The following UNG variants were observed in gnomAD, a reference collection of about 807,000 sequenced individuals.
UNG encodes the protein uracil DNA glycosylase, also known as uracil-DNA glycosylase.
UNG carries 34 observed loss-of-function variants against 36.5 expected under a neutral mutation model. That is an observed-to-expected ratio of 0.93 (90% CI 0.71 to 1.24). The LOEUF (loss-of-function observed/expected upper bound fraction) is 1.24, where lower values mean the gene tolerates loss of function less well. Ranked by LOEUF, UNG falls within the 50% of genes most tolerant of loss-of-function variation. UNG has a pLI of 0.00. For missense variants in UNG, 391 were observed against 397.6 expected, an observed-to-expected ratio of 0.98 and a Z score of 0.14; for synonymous variants, 172 against 157.8, an observed-to-expected ratio of 1.09 and a Z score of -0.67.
chr12:109,110,206 A>G lies in UNG; in HGVS notation c.*237A>G, dbSNP rs1208334361. 5.3e-6 allele frequency: 3 copies of G among 568,088 alleles called. No homozygotes were observed. The highest frequency in any genetic ancestry group is 6.2e-6 in the Non-Finnish European group (2 of 320,150). 35.2% of individuals were successfully genotyped at this position (568,088 alleles called of 1,614,324 possible). On this transcript the variant is annotated 3_prime_UTR_variant, in exon 7 of 7. Transcript: ENST00000242576. Reference sequence around the variant, plus strand: ...AACATGGCTTCGGCCTAAAATATGCAGAAGACAGATGAGGTCAAATACTCA... The same window carrying G: ...AACATGGCTTCGGCCTAAAATATGCGGAAGACAGATGAGGTCAAATACTCA...
At position 109,099,858 on chromosome 12, in the gene UNG, T is replaced by A. The variant is rs188001189; in HGVS notation, c.435+574T>A. 5.2e-3 allele frequency among the ~76,000 whole-genome samples: 788 copies of A among 152,238 alleles called. 6 individuals carry two copies. The highest frequency in any genetic ancestry group is 0.018 in the African/African-American group (742 of 41,524). The stretch of plus-strand genomic sequence containing the variant: ...TTCGGAGGCCAAAGTGGGAGGATCA[T>A]TTGAGGTCAGGAGTTCAAGACCAAT... On this transcript the variant is annotated intron_variant, in intron 3 of 6. Transcript: ENST00000242576.
chr12:109,103,297 G>T, intron 5 of UNG, 136 bp from the exon 6 acceptor site: 1 of 857,774 alleles, frequency 1.2e-6, no homozygotes, highest in East Asian at 2.6e-5. Context: ...CCATTATGCC[G>T]GCTGCAGCAG....
rs937716880 is a variant in UNG at position 109,110,410 on chromosome 12, A to G, written c.*441A>G. On this transcript the variant is annotated 3_prime_UTR_variant, in exon 7 of 7. Transcript: ENST00000242576. Reference sequence around the variant, plus strand: ...CTTGTCTCAGCCTTGCAGGGCAGGCATGCCAGTCTCTGCCAGTTCCACTGC... The same window carrying G: ...CTTGTCTCAGCCTTGCAGGGCAGGCGTGCCAGTCTCTGCCAGTTCCACTGC... The G allele has an allele frequency of 1.4e-5, 3 of 222,000 alleles. No individual in the cohort carries two copies. Among genetic ancestry groups the G allele is most frequent in the Non-Finnish European group, 2.7e-5 (3 of 109,708 alleles). The allele number at this position is 222,000 out of a possible 1,614,324, so 13.8% of individuals were successfully genotyped here.
In UNG at chr12:109,099,293, A is replaced by G. The variant is rs764068836; in HGVS notation, c.435+9A>G. ...TGTGTGACATAAAAGATGTAAGTAC[A>G]ACTTGTTGATAATTTTTATTGGGGA... On this transcript the variant is annotated intron_variant, in intron 3 of 6. Coordinates refer to ENST00000242576, the MANE Select transcript of UNG (RefSeq NM_080911.3). 4.3e-6 allele frequency: 7 copies of G among 1,610,072 alleles called. No homozygotes were observed. The South Asian group carries it at 7.7e-5, about 18-fold the overall frequency.
At chr12:109,108,254 G>T (rs2042232081) in intron 6 of UNG, among the ~76,000 whole-genome samples, 1 of 152,106 alleles carries the variant, frequency 6.6e-6, no homozygotes, top group South Asian at 2.1e-4. Flanking sequence ...GGCTTATGAA[G>T]TTTGACCTGA....
chr12:109,100,693 G>T (rs2042169612), intron 3 of UNG, among the ~76,000 whole-genome samples: 1 of 152,202 alleles, frequency 6.6e-6, no homozygotes, highest in Non-Finnish European at 1.5e-5. Flanking sequence ...AGGATCAGAT[G>T]GGCCAGCAGG....
At chr12:109,102,754 T>C in intron 4 of UNG, 85 bp from the exon 5 acceptor site, 1 of 1,151,510 alleles carries the variant, frequency 8.7e-7, no homozygotes, top group Non-Finnish European at 1.3e-6. Flanking sequence ...ACTTCTAACC[T>C]TTTCACATAT....
chr12:109,103,630 C>T lies in UNG; in HGVS notation c.801+19C>T. 3 of 1,565,370 alleles carry T rather than the reference C, an allele frequency of 1.9e-6. No homozygotes were observed. The highest frequency in any genetic ancestry group is 2.3e-5 in the South Asian group (2 of 85,590). ...TGATAGGGTATGTTTTGTTTTCTTTCTTTTTTTTCTTTTTTTTTTAACACT... is the reference window on the plus strand; with the variant it reads ...TGATAGGGTATGTTTTGTTTTCTTTTTTTTTTTTCTTTTTTTTTTAACACT... On this transcript the variant is annotated intron_variant, in intron 6 of 6. Coordinates refer to ENST00000242576, the MANE Select transcript of UNG (RefSeq NM_080911.3).
rs1160162526 is a variant in UNG, at chr12:109,110,644, CAAGG to C, written c.*679_*682del. The C allele has an allele frequency of 6.6e-6, 1 of 150,562 alleles. No individual in the cohort carries two copies. Among genetic ancestry groups the C allele is most frequent in the Non-Finnish European group, 1.5e-5 (1 of 68,506 alleles). The allele number at this position is 150,562 out of a possible 1,614,324, so 9.3% of individuals were successfully genotyped here. A position where few individuals can be genotyped will look rare whatever the true frequency, so the allele number is the denominator to read the frequency against. ...GGTGGAATAAGCAGTGGAATTTGAA[CAAGG>C]AAGAGGAGAAAAGGGAATTTTGTCT... is the stretch of plus-strand genomic sequence containing the variant. On this transcript the variant is annotated 3_prime_UTR_variant, in exon 7 of 7. Transcript: ENST00000242576.
rs201026607 is a variant in UNG at position 109,101,914 on chromosome 12, A to G, written c.448A>G (p.Ile150Val). ...TGGTGGTTCACAGGTGAAGGTTGTCATCCTGGGACAGGATCCATATCATGG... is the reference window on the plus strand; with the variant it reads ...TGGTGGTTCACAGGTGAAGGTTGTCGTCCTGGGACAGGATCCATATCATGG... The part of the protein sequence containing the change: ...MCDIKDVKVV[I>V]LGQDPYHGPN... Residue 150 changes from isoleucine (I) to valine (V), a missense_variant, in exon 4 of 7, where the codon ATC (isoleucine) becomes GTC (valine). Transcript: ENST00000242576. 6.2e-7 allele frequency: 1 copy of G among 1,614,012 alleles called. No homozygotes were observed. The highest frequency in any genetic ancestry group is 8.5e-7 in the Non-Finnish European group (1 of 1,179,972).
rs1566123324 is a variant in UNG at position 109,106,934 on chromosome 12, T to TATATATATATGTATATATATATATAA, written c.802-2894_802-2893insTATATATATGTATATATATATATAAA. Among the ~76,000 whole-genome samples the TATATATATATGTATATATATATATAA allele has an allele frequency of 1.0e-3, 40 of 39,914 alleles. 3 individuals carry two copies. The highest frequency in any genetic ancestry group is 5.2e-3 in the African/African-American group (37 of 7,142). 26.2% of individuals were successfully genotyped at this position (39,914 alleles called of 152,430 possible). On this transcript the variant is annotated intron_variant, in intron 6 of 6. Coordinates refer to ENST00000242576, the MANE Select transcript of UNG (RefSeq NM_080911.3). The stretch of plus-strand genomic sequence containing the variant: ...ATATATATGTGTATATATATATATA[T>TATATATATATGTATATATATATATAA]AAAAAATATTTTTACTGCATCTTTT...
At chr12:109,097,847 G>T in intron 1 of UNG, 36 bp downstream of exon 1, 1 of 1,492,692 alleles carries the variant, frequency 6.7e-7, no homozygotes, top group Non-Finnish European at 8.9e-7. Context: ...AGGGGGTGAA[G>T]GGGGAGGAAG....
chr12:109,108,503 G>A (rs184143188), intron 6 of UNG, among the ~76,000 whole-genome samples: 23 of 152,174 alleles, frequency 1.5e-4, no homozygotes, highest in South Asian at 8.3e-4. Context: ...GTAGTGGCAC[G>A]CACCTGTGGT....
In UNG at chr12:109,098,519, A is replaced by C; in HGVS notation, c.220A>C (p.Ile74Leu). ...GCTGAGTGCCGAGCAGTTGGACCGG[A>C]TCCAGAGGAACAAGGCCGCGGCCCT... The part of the protein sequence containing the change: ...SPLSAEQLDR[I>L]QRNKAAALLR... Residue 74 changes from isoleucine to leucine, a missense_variant, in exon 2 of 7, where the codon ATC becomes CTC. Transcript: ENST00000242576. 1.2e-6 allele frequency: 2 copies of C among 1,612,994 alleles called. No individual in the cohort carries two copies. The highest frequency in any genetic ancestry group is 1.7e-6 in the Non-Finnish European group (2 of 1,179,926).
At chr12:109,108,626 C>T (rs552270392) in intron 6 of UNG, among the ~76,000 whole-genome samples, 1 of 151,912 alleles carries the variant, frequency 6.6e-6, no homozygotes, top group Non-Finnish European at 1.5e-5. Flanking sequence ...AGTAAGACCC[C>T]ATCTCAAAAA....
intron 6 of UNG, 28 bp downstream of exon 6, chr12:109,103,639 C>CTTTTTTTTT: frequency 2.2e-6 from 3 of 1,382,890 alleles, no homozygotes; most frequent in Non-Finnish European, 3.0e-6. Context: ...TCTTTTTTTT[C>CTTTTTTTTT]TTTTTTTTTT....
rs368747391 is a variant in UNG at position 109,102,051 on chromosome 12, T to C, written c.533+52T>C. The C allele has an allele frequency of 3.0e-5, 46 of 1,522,152 alleles. No homozygotes were observed. In the South Asian group the frequency reaches 3.3e-4, roughly 11 times the overall value. The allele number at this position is 1,522,152 out of a possible 1,614,324, so 94.3% of individuals were successfully genotyped here. On this transcript the variant is annotated intron_variant, in intron 4 of 6. Transcript: ENST00000242576. ...GTCCAGACATGATTCCTTTCAGATG[T>C]GTACTTAGCTTATTACAAGTGGGAC...
At chr12:109,106,920 T>TCCAC (rs2042221357) in intron 6 of UNG, among the ~76,000 whole-genome samples, 1 of 10,284 alleles carries the variant, frequency 9.7e-5, no homozygotes, top group Non-Finnish European at 4.9e-4. Flanking sequence ...TATATATGTG[T>TCCAC]ATATATATAT....
chr12:109,103,034 C>T, intron 5 of UNG, 107 bp downstream of exon 5: 3 of 834,142 alleles, frequency 3.6e-6, no homozygotes, highest in Non-Finnish European at 3.9e-6. Context: ...TTACTGCAAC[C>T]TCTGCCTCCC....
Sources: gnomAD v4.1 joint callset for allele counts (sites outside exome capture counted in the v4.1 genomes callset) on GRCh38, gnomAD v4.1.1 for gene constraint, MANE v1.5 for transcripts, NCBI Gene and HGNC (gene_info 2026-07-23, HGNC 2026-07-21) for gene names.